ZDHHC1: variants seen among roughly 807,000 people sequenced by gnomAD.
The protein encoded by ZDHHC1 is zDHHC palmitoyltransferase 1, also known as palmitoyltransferase ZDHHC1.
Under a neutral mutation model 46.9 loss-of-function variants are expected in ZDHHC1, and 45 were observed. The observed-to-expected ratio is 0.96, with a 90% CI of 0.76 to 1.23. ZDHHC1 has a LOEUF of 1.23. Ranked by LOEUF, ZDHHC1 falls within the 50% of genes most tolerant of loss-of-function variation. The pLI, the probability that ZDHHC1 is intolerant of heterozygous loss-of-function variation, is 0.00. For missense variants in ZDHHC1, 649 were observed against 670.8 expected (o/e 0.97, Z 0.36); for synonymous variants, 291 against 286.0 (o/e 1.02, Z -0.18).
At chr16:67,398,397 C>G in intron 7 of ZDHHC1, 73 bp from the exon 8 acceptor site, 2 of 1,544,892 alleles carry the variant, frequency 1.3e-6, no homozygotes, top group Non-Finnish European at 1.8e-6. Flanking sequence ...GGAGGACAAC[C>G]AGCCCCAGGC....
intron 9 of ZDHHC1, 74 bp downstream of exon 9, chr16:67,395,410 C>T: frequency 1.3e-6 from 2 of 1,542,504 alleles, no homozygotes; most frequent in Non-Finnish European, 1.7e-6. Flanking sequence ...CTTAGCCTAC[C>T]CCCTTCTCCT....
intron 3 of ZDHHC1, among the ~76,000 whole-genome samples, chr16:67,405,476 A>G (rs979577051): frequency 6.6e-6 from 1 of 152,224 alleles, no homozygotes; most frequent in Non-Finnish European, 1.5e-5. Flanking sequence ...TTTGTGAAGG[A>G]CACTCAAATA....
chr16:67,415,952 T>A (rs2040827906), intron 1 of ZDHHC1, among the ~76,000 whole-genome samples: 1 of 152,172 alleles, frequency 6.6e-6, no homozygotes, highest in African/African-American at 2.4e-5. Flanking sequence ...GAGTCCTCTG[T>A]GCCCACGCCT....
intron 4 of ZDHHC1, among the ~76,000 whole-genome samples, chr16:67,399,959 C>A (rs2040517521): frequency 6.6e-6 from 1 of 152,206 alleles, no homozygotes; most frequent in Non-Finnish European, 1.5e-5. Context: ...AGAAAAGAGG[C>A]AAAAGAAGTG....
chr16:67,400,713 G>C (rs1234066257), intron 4 of ZDHHC1, among the ~76,000 whole-genome samples: 1 of 152,234 alleles, frequency 6.6e-6, no homozygotes, highest in Non-Finnish European at 1.5e-5. Context: ...CCGCTCATTA[G>C]AAATGTTTGG....
In ZDHHC1 at chr16:67,399,992, T is replaced by C. The variant is rs557597013; in HGVS notation, c.429-536A>G. Among the ~76,000 whole-genome samples, 8 of 152,314 alleles carry C rather than the reference T, an allele frequency of 5.3e-5. No homozygotes were observed. The South Asian group carries it at 1.4e-3, about 28-fold the overall frequency. ...GTGCAGGCTGCCATCCGCGTGAGCA[T>C]GCAGGTGCTCACCACAGGGGCTCAG... On this transcript the variant is annotated intron_variant, in intron 4 of 11. Coordinates refer to ENST00000565726, the MANE Select transcript of ZDHHC1 (RefSeq NM_001323627.2).
intron 5 of ZDHHC1, among the ~76,000 whole-genome samples, 156 bp downstream of exon 5, chr16:67,399,189 GGCACCCAGGA>G (rs2040496107): frequency 6.6e-6 from 1 of 152,152 alleles, no homozygotes; most frequent in Non-Finnish European, 1.5e-5. Flanking sequence ...CATCTCAGCC[GGCACCCAGGA>G]GCATCACTCT....
In ZDHHC1 at chr16:67,394,689, G is replaced by T; in HGVS notation, c.1370C>A (p.Ala457Glu). 1 of 1,280,612 alleles carries T rather than the reference G, an allele frequency of 7.8e-7. No individual in the cohort carries two copies. The highest frequency in any genetic ancestry group is 9.8e-7 in the Non-Finnish European group (1 of 1,018,254). The allele number at this position is 1,280,612 out of a possible 1,614,324, so 79.3% of individuals were successfully genotyped here. A position where few individuals can be genotyped will look rare whatever the true frequency, so the allele number is the denominator to read the frequency against. ...GCTCACGAAAACGGCGGGCGCACGC[G>T]CCTGCCGCGCCAGCGTGGGCTGTCG... Reference protein sequence around the residue: ...RGRQPTLARQARAPAVFVSPS... With the variant: ...RGRQPTLARQERAPAVFVSPS... Residue 457 changes from alanine (A) to glutamate (E), a missense_variant, in exon 12 of 12, where the codon GCG becomes GAG. Coordinates refer to ENST00000565726, the MANE Select transcript of ZDHHC1 (RefSeq NM_001323627.2).
intron 4 of ZDHHC1, among the ~76,000 whole-genome samples, chr16:67,400,492 C>T (rs1402859114): frequency 3.3e-5 from 5 of 152,230 alleles, no homozygotes; most frequent in African/African-American, 4.8e-5. Context: ...GGGGCCTGGC[C>T]GGCCAGATGT....
In ZDHHC1 at chr16:67,394,559, T is replaced by C; in HGVS notation, c.*51A>G. On this transcript the variant is annotated 3_prime_UTR_variant, in exon 12 of 12. Coordinates refer to ENST00000565726, the MANE Select transcript of ZDHHC1 (RefSeq NM_001323627.2). ...GGTGCGGCAAGGATGGGGTGTTGCATAGAGAGTCAGGCCGGCCGCTCTAAC... is the reference window on the plus strand; with the variant it reads ...GGTGCGGCAAGGATGGGGTGTTGCACAGAGAGTCAGGCCGGCCGCTCTAAC... 2 of 1,128,998 alleles carry C rather than the reference T, an allele frequency of 1.8e-6. No homozygotes were observed. Among genetic ancestry groups the C allele is most frequent in the Non-Finnish European group, 2.2e-6 (2 of 923,140 alleles). 69.9% of individuals were successfully genotyped at this position (1,128,998 alleles called of 1,614,324 possible).
chr16:67,410,908 C>T (rs1299645898), intron 1 of ZDHHC1, among the ~76,000 whole-genome samples: 5 of 151,992 alleles, frequency 3.3e-5, no homozygotes, highest in African/African-American at 1.2e-4. Flanking sequence ...CCTCAGATGA[C>T]CCACTCAGCT....
At position 67,406,513 on chromosome 16, in the gene ZDHHC1, C is replaced by T. The variant is rs2040663666; in HGVS notation, c.10-71G>A. Reference sequence around the variant, plus strand: ...GGCTGGAGCCCAGGGCCTGTGTCTGCAGCCAAGTTTCAGCACAGGGGGAGT... The same window carrying T: ...GGCTGGAGCCCAGGGCCTGTGTCTGTAGCCAAGTTTCAGCACAGGGGGAGT... On this transcript the variant is annotated intron_variant, in intron 2 of 11. Coordinates refer to ENST00000565726, the MANE Select transcript of ZDHHC1 (RefSeq NM_001323627.2). This position sits in a 1 kb window ranked among gnomAD's most constrained non-coding sequence, Gnocchi z 4.1. 2.1e-6 allele frequency: 3 copies of T among 1,442,412 alleles called. No homozygotes were observed. Among genetic ancestry groups the T allele is most frequent in the African/African-American group, 2.9e-5 (2 of 69,654 alleles). 89.4% of individuals were successfully genotyped at this position (1,442,412 alleles called of 1,614,324 possible).
intron 5 of ZDHHC1, among the ~76,000 whole-genome samples, 191 bp downstream of exon 5, chr16:67,399,164 A>T (rs2040495589): frequency 1.3e-5 from 2 of 152,302 alleles, no homozygotes; most frequent in South Asian, 4.1e-4. Context: ...GGAAGATTCC[A>T]GGCCCACCCT....
In ZDHHC1 at chr16:67,401,255, A is replaced by G; in HGVS notation, c.253-123T>C. 1 of 1,310,732 alleles carries G rather than the reference A, an allele frequency of 7.6e-7. No homozygotes were observed. The highest frequency in any genetic ancestry group is 1.0e-6 in the Non-Finnish European group (1 of 970,462). The allele number at this position is 1,310,732 out of a possible 1,614,324, so 81.2% of individuals were successfully genotyped here. On this transcript the variant is annotated intron_variant, in intron 3 of 11. Transcript: ENST00000565726. The surrounding 1 kb of genome is among the most constrained non-coding windows in gnomAD (Gnocchi z 4.6). ...TTTGTGCAGATTCTCTGCCTCTGCC[A>G]CCTCCTACCTCCAGTCCCCCAAAGC...
intron 8 of ZDHHC1, 92 bp from the exon 9 acceptor site, chr16:67,395,658 C>T: frequency 8.0e-7 from 1 of 1,254,098 alleles, no homozygotes; most frequent in Non-Finnish European, 1.1e-6. Context: ...CCCTCATTGG[C>T]CTCTGTGGGA....
In ZDHHC1 at chr16:67,406,271, A is replaced by C. The variant is rs767582429; in HGVS notation, c.181T>G (p.Phe61Val). ...ATCCCAAAGCCGATCACAGCAAAGA[A>C]GAGGTACAGCAGCCAGGCCACAATC... ...LQIVAWLLYL[F>V]FAVIGFGILV... Residue 61 changes from phenylalanine (F) to valine (V), a missense_variant, in exon 3 of 12, where the codon TTC becomes GTC. Physicochemically the swap from Phe to Val is conservative, Grantham distance 50. Transcript: ENST00000565726. The surrounding 1 kb of genome is among the most constrained non-coding windows in gnomAD (Gnocchi z 4.1). 1 of 1,612,030 alleles carries C rather than the reference A, an allele frequency of 6.2e-7. No homozygotes were observed. Among genetic ancestry groups the C allele is most frequent in the South Asian group, 1.1e-5 (1 of 90,426 alleles).
At chr16:67,413,445 T>C (rs2040782771) in intron 1 of ZDHHC1, among the ~76,000 whole-genome samples, 1 of 152,214 alleles carries the variant, frequency 6.6e-6, no homozygotes, top group Admixed American at 6.5e-5. Context: ...ACAAGTACTT[T>C]GTTTATTAAA....
intron 1 of ZDHHC1, among the ~76,000 whole-genome samples, chr16:67,411,436 A>G (rs1025086901): frequency 1.3e-5 from 2 of 152,204 alleles, no homozygotes; most frequent in Non-Finnish European, 1.5e-5. Flanking sequence ...CCACTCACAG[A>G]CTGAGGAACA....
rs745603288 is a variant in ZDHHC1 at position 67,401,726 on chromosome 16, C to T, written c.253-594G>A. On this transcript the variant is annotated intron_variant, in intron 3 of 11. Transcript: ENST00000565726. The surrounding 1 kb of genome is among the most constrained non-coding windows in gnomAD (Gnocchi z 4.6). The stretch of plus-strand genomic sequence containing the variant: ...TGGGCTGAGTGTCTGGAATGGCCTG[C>T]CATGTTCAGGGCCTGGCCAGGGACA... Among the ~76,000 whole-genome samples the T allele has an allele frequency of 6.6e-6, 1 of 152,188 alleles. No individual in the cohort carries two copies. Among genetic ancestry groups the T allele is most frequent in the Non-Finnish European group, 1.5e-5 (1 of 68,036 alleles).
Sources: gnomAD v4.1 joint callset for allele counts (sites outside exome capture counted in the v4.1 genomes callset) on GRCh38, gnomAD v4.1.1 for gene constraint, Gnocchi (gnomAD v3.1) non-coding constraint, MANE v1.5 for transcripts, NCBI Gene and HGNC (gene_info 2026-07-23, HGNC 2026-07-21) for gene names.